Variants in PABPC4L observed in about 807,000 individuals in gnomAD.
The protein encoded by PABPC4L is polyadenylate-binding protein 4-like.
For missense variants in PABPC4L, 452 were observed against 451.4 expected, an observed-to-expected ratio of 1.00 and a Z score of -0.01; for synonymous variants, 169 against 164.1, an observed-to-expected ratio of 1.03 and a Z score of -0.23.
At chr4:134,136,228 A>C in the PABPC4L span, among the ~76,000 whole-genome samples, 1,679 of 152,152 alleles carry the variant, frequency 0.011, 27 homozygotes, top group African/African-American at 0.039. Context: ...CACCCAGAAG[A>C]GCACAGAGGT....
chr4:134,157,194 T>C, the PABPC4L span, among the ~76,000 whole-genome samples: 5 of 151,642 alleles, frequency 3.3e-5, no homozygotes, highest in South Asian at 2.1e-4. Flanking sequence ...TTTAATACCA[T>C]GTGGAAGAAT....
the PABPC4L span, among the ~76,000 whole-genome samples, chr4:134,099,200 C>G: frequency 6.6e-6 from 1 of 151,626 alleles, no homozygotes; most frequent in Non-Finnish European, 1.5e-5. Context: ...TGATAATACT[C>G]TCCAATGTTT....
the PABPC4L span, among the ~76,000 whole-genome samples, chr4:134,105,054 G>C: frequency 6.6e-6 from 1 of 151,826 alleles, no homozygotes; most frequent in South Asian, 2.1e-4. Flanking sequence ...GGTATAAAGT[G>C]CAACAAAAAT....
the PABPC4L span, among the ~76,000 whole-genome samples, chr4:133,960,391 A>G: frequency 0.034 from 5,212 of 152,222 alleles, 708 homozygotes; most frequent in East Asian, 0.46. Flanking sequence ...AAAATACAGA[A>G]GTAGAGGAGC....
At chr4:134,030,992 T>C in the PABPC4L span, among the ~76,000 whole-genome samples, 25 of 152,176 alleles carry the variant, frequency 1.6e-4, no homozygotes, top group African/African-American at 5.5e-4. Flanking sequence ...AAAGAATTAT[T>C]AATATTTCAT....
the PABPC4L span, among the ~76,000 whole-genome samples, chr4:134,113,780 ATGT>A: frequency 6.6e-6 from 1 of 151,864 alleles, no homozygotes; most frequent in Middle Eastern, 3.2e-3. Flanking sequence ...TCAGTGCAAA[ATGT>A]AGGAGAAAGT....
the PABPC4L span, among the ~76,000 whole-genome samples, chr4:134,016,480 A>C: frequency 6.6e-6 from 1 of 152,196 alleles, no homozygotes; most frequent in Non-Finnish European, 1.5e-5. Flanking sequence ...GACAATGCTT[A>C]TGCTGATAAG....
chr4:133,956,612 G>A, the PABPC4L span, among the ~76,000 whole-genome samples: 1 of 152,142 alleles, frequency 6.6e-6, no homozygotes, highest in Non-Finnish European at 1.5e-5. Flanking sequence ...TATGCACTGG[G>A]AGGAAAGGAA....
chr4:134,108,042 T>G, the PABPC4L span, among the ~76,000 whole-genome samples: 1 of 151,568 alleles, frequency 6.6e-6, no homozygotes, highest in African/African-American at 2.4e-5. Flanking sequence ...TATATACTTA[T>G]AGAAATTTGA....
chr4:134,082,848 A>G, the PABPC4L span, among the ~76,000 whole-genome samples: 2 of 152,172 alleles, frequency 1.3e-5, no homozygotes. Flanking sequence ...GTCTATCCAA[A>G]AATTTGTCTT....
chr4:133,977,853 G>A, the PABPC4L span: 1 of 152,098 alleles, frequency 6.6e-6, no homozygotes, highest in East Asian at 1.9e-4. Flanking sequence ...CCAGGTACAT[G>A]GTATGGTACT....
the PABPC4L span, among the ~76,000 whole-genome samples, chr4:134,168,408 T>C: frequency 6.6e-6 from 1 of 151,014 alleles, no homozygotes; most frequent in Non-Finnish European, 1.5e-5. Context: ...AGAAGAGAAA[T>C]AGTAACAATG....
the PABPC4L span, among the ~76,000 whole-genome samples, chr4:134,076,899 T>C: frequency 6.6e-6 from 1 of 152,160 alleles, no homozygotes; most frequent in African/African-American, 2.4e-5. Flanking sequence ...ATGGCATTTA[T>C]GTCTATGATA....
At chr4:133,999,335 A>G in the PABPC4L span, among the ~76,000 whole-genome samples, 1 of 152,070 alleles carries the variant, frequency 6.6e-6, no homozygotes, top group African/African-American at 2.4e-5. Context: ...GCAAAAGTCT[A>G]CTGCCATCAA....
chr4:134,104,319 C>A, the PABPC4L span, among the ~76,000 whole-genome samples: 1,368 of 151,724 alleles, frequency 9.0e-3, 12 homozygotes, highest in South Asian at 0.024. Context: ...TGACCATTAT[C>A]AGTTGAACAA....
the PABPC4L span, among the ~76,000 whole-genome samples, chr4:134,120,888 T>C: frequency 6.6e-6 from 1 of 151,382 alleles, no homozygotes. Flanking sequence ...TTTTTAAATA[T>C]ATATTTTTTA....
At chr4:134,142,157 T>C in the PABPC4L span, among the ~76,000 whole-genome samples, 7 of 151,732 alleles carry the variant, frequency 4.6e-5, no homozygotes, top group Admixed American at 1.3e-4. Context: ...TAGTCCCAAG[T>C]TTTTCAAAGA....
chr4:133,959,683 C>T, the PABPC4L span, among the ~76,000 whole-genome samples: 3 of 152,156 alleles, frequency 2.0e-5, no homozygotes, highest in Admixed American at 6.5e-5. Flanking sequence ...ATGTGAAAAA[C>T]ACACACGCAC....
chr4:133,988,484 T>C, the PABPC4L span, among the ~76,000 whole-genome samples: 1 of 152,164 alleles, frequency 6.6e-6, no homozygotes, highest in East Asian at 1.9e-4. Flanking sequence ...AGGGTAGTCA[T>C]TAAATCTTAA....
Sources: allele counts gnomAD v4.1 joint callset (sites outside exome capture counted in the v4.1 genomes callset), GRCh38; gene constraint gnomAD v4.1.1; transcripts MANE v1.5; gene names NCBI Gene and HGNC (gene_info 2026-07-23, HGNC 2026-07-21).